The following PTPRS variants were observed in gnomAD, a reference collection of about 807,000 sequenced individuals.
PTPRS encodes the protein protein tyrosine phosphatase receptor type S.
Under a neutral mutation model 215.3 loss-of-function variants are expected in PTPRS, and 63 were observed. That is an observed-to-expected ratio of 0.29 (90% CI 0.24 to 0.36). PTPRS has a LOEUF of 0.36. PTPRS is among the 10% of genes least tolerant of loss of function. The pLI is 1.00. For missense variants in PTPRS, 2,258 were observed against 2,825.8 expected, an observed-to-expected ratio of 0.80 and a Z score of 4.56; for synonymous variants, 1,404 against 1,191.4, an observed-to-expected ratio of 1.18 and a Z score of -3.68.
At chr19:5,247,661 G>A (rs939816944) in intron 9 of PTPRS, among the ~76,000 whole-genome samples, 5 of 152,114 alleles carry the variant, frequency 3.3e-5, no homozygotes, top group East Asian at 1.9e-4. Flanking sequence ...ATTTTCATAC[G>A]GGATTGGGAG....
At chr19:5,301,123 G>A (rs1377223196) in intron 1 of PTPRS, among the ~76,000 whole-genome samples, 3 of 152,326 alleles carry the variant, frequency 2.0e-5, no homozygotes, top group Admixed American at 6.5e-5. Context: ...AGCCCCAAGG[G>A]CAGAAACTTG....
At chr19:5,278,505 T>C in intron 2 of PTPRS, among the ~76,000 whole-genome samples, 1 of 151,866 alleles carries the variant, frequency 6.6e-6, no homozygotes, top group Admixed American at 6.6e-5. Flanking sequence ...TGCGGCAGGG[T>C]CTCACTCCGT....
chr19:5,303,885 A>C (rs1307744509), intron 1 of PTPRS, among the ~76,000 whole-genome samples: 1 of 144,422 alleles, frequency 6.9e-6, no homozygotes, highest in Non-Finnish European at 1.5e-5. Context: ...CGGGATACGG[A>C]GGTTACTGTG....
chr19:5,329,402 C>A (rs537560109), intron 1 of PTPRS, among the ~76,000 whole-genome samples: 1 of 152,310 alleles, frequency 6.6e-6, no homozygotes, highest in East Asian at 1.9e-4. Flanking sequence ...CTGGCTACAT[C>A]GTAGCTAACA....
chr19:5,254,255 T>C (rs1211627480), intron 9 of PTPRS, among the ~76,000 whole-genome samples: 1 of 152,184 alleles, frequency 6.6e-6, no homozygotes, highest in Non-Finnish European at 1.5e-5. Flanking sequence ...TAAAGTCCTC[T>C]TGCCAACTTG....
intron 4 of PTPRS, among the ~76,000 whole-genome samples, chr19:5,271,410 T>C (rs1056439662): frequency 7.3e-5 from 11 of 151,542 alleles, no homozygotes; most frequent in East Asian, 5.8e-4. Context: ...TTTTTTTTTT[T>C]CCCTGAGACG....
At chr19:5,332,663 C>G (rs1471861547) in intron 1 of PTPRS, among the ~76,000 whole-genome samples, 1 of 152,196 alleles carries the variant, frequency 6.6e-6, no homozygotes, top group African/African-American at 2.4e-5. Flanking sequence ...GGTCCCTGTC[C>G]ATCCTCCTGC....
intron 1 of PTPRS, among the ~76,000 whole-genome samples, chr19:5,315,351 G>C (rs10403403): frequency 0.25 from 20,136 of 79,070 alleles, 6,505 homozygotes; most frequent in Admixed American, 0.4. Context: ...TTTGAAAAGG[G>C]TTTTTTTTTT....
In PTPRS at chr19:5,238,075, C is replaced by T. The variant is rs2043637312; in HGVS notation, c.1849+844G>A. Among the ~76,000 whole-genome samples the T allele has an allele frequency of 2.0e-5, 3 of 152,228 alleles. No homozygotes were observed. The South Asian group carries it at 6.2e-4, about 32-fold the overall frequency. ...GGTGAAGGGAGGGAAGAGGGGGAAG[C>T]AGGGGGAGGCCACGACAGAGAGACC... On this transcript the variant is annotated intron_variant, in intron 13 of 37. Transcript: ENST00000262963.
intron 12 of PTPRS, 85 bp downstream of exon 12, chr19:5,240,114 A>G: frequency 7.3e-7 from 1 of 1,375,470 alleles, no homozygotes; most frequent in East Asian, 2.9e-5. Context: ...ATAGGGACAA[A>G]GAGGGGGAAG....
At position 5,287,994 on chromosome 19, in the gene PTPRS, AC is replaced by A; in HGVS notation, c.-94-1761del. Reference sequence around the variant, plus strand: ...CACACACACACACACACACACACACACACACACACACACACAATCAGGCAAA... The same window carrying A: ...CACACACACACACACACACACACACAACACACACACACACAATCAGGCAAA... On this transcript the variant is annotated intron_variant, in intron 1 of 37. Transcript: ENST00000262963. This position sits in a 1 kb window ranked among gnomAD's most constrained non-coding sequence, Gnocchi z 4.8. Among the ~76,000 whole-genome samples, 1 of 151,556 alleles carries A rather than the reference AC, an allele frequency of 6.6e-6. No homozygotes were observed. The highest frequency in any genetic ancestry group is 1.5e-5 in the Non-Finnish European group (1 of 67,866).
chr19:5,227,413 ATTTT>A (rs55762769), intron 16 of PTPRS, among the ~76,000 whole-genome samples: 4 of 135,022 alleles, frequency 3.0e-5, no homozygotes, highest in Admixed American at 7.3e-5. Context: ...AGCTGTAACA[ATTTT>A]TTTTTTTTTT....
At position 5,295,069 on chromosome 19, in the gene PTPRS, T is replaced by G. The variant is rs185111800; in HGVS notation, c.-94-8835A>C. On this transcript the variant is annotated intron_variant, in intron 1 of 37. Coordinates refer to ENST00000262963, the MANE Select transcript of PTPRS (RefSeq NM_002850.4). This position sits in a 1 kb window ranked among gnomAD's most constrained non-coding sequence, Gnocchi z 4.6. ...ACACAGTGGGCCCTCAGGAGCAGAG[T>G]AGGCACCTTGCTTGTATCTGTGGCA... Among the ~76,000 whole-genome samples the G allele has an allele frequency of 2.2e-4, 33 of 152,058 alleles. No individual in the cohort carries two copies. Among genetic ancestry groups the G allele is most frequent in the Non-Finnish European group, 1.5e-5 (1 of 67,986 alleles).
intron 1 of PTPRS, among the ~76,000 whole-genome samples, chr19:5,323,148 G>C (rs990896025): frequency 3.9e-5 from 6 of 152,020 alleles, no homozygotes; most frequent in South Asian, 2.1e-4. Flanking sequence ...TTTGAGGTCA[G>C]GAGTTTGAGA....
intron 24 of PTPRS, 69 bp downstream of exon 24, chr19:5,218,718 A>G (rs1599424057): frequency 6.3e-7 from 1 of 1,578,600 alleles, no homozygotes; most frequent in Non-Finnish European, 8.7e-7. Context: ...TCCTGTGGGC[A>G]CACTATCAGC....
intron 4 of PTPRS, among the ~76,000 whole-genome samples, chr19:5,267,966 G>A (rs991875487): frequency 2.0e-5 from 3 of 151,728 alleles, no homozygotes; most frequent in African/African-American, 4.8e-5. Flanking sequence ...TCAGGAGATC[G>A]AGACCATCCT....
In PTPRS at chr19:5,260,808, G is replaced by T; in HGVS notation, c.592C>A (p.Arg198=). The T allele has an allele frequency of 6.2e-7, 1 of 1,613,734 alleles. No homozygotes were observed. Among genetic ancestry groups the T allele is most frequent in the African/African-American group, 1.3e-5 (1 of 75,060 alleles). The change falls in exon 7 of 38, where the codon CGA becomes AGA. Residue 198 remains arginine, a synonymous_variant. Coordinates refer to ENST00000262963, the MANE Select transcript of PTPRS (RefSeq NM_002850.4). Reference sequence around the variant, plus strand: ...GGGTGAGTGAGGAGCCTCTTACCTCGAATCGGAGTGCTTTCTGTAAGGGAA... The same window carrying T: ...GGGTGAGTGAGGAGCCTCTTACCTCTAATCGGAGTGCTTTCTGTAAGGGAA... The part of the protein sequence containing the change: ...RSETFESTPI[R]GALQIESSEE...
intron 35 of PTPRS, 96 bp from the exon 36 acceptor site, chr19:5,208,487 T>C: frequency 7.9e-7 from 1 of 1,259,824 alleles, no homozygotes; most frequent in Non-Finnish European, 1.1e-6. Context: ...TTTTGTTTGT[T>C]TGTTTGTTTT....
At chr19:5,253,181 G>A (rs1264297177) in intron 9 of PTPRS, among the ~76,000 whole-genome samples, 1 of 152,134 alleles carries the variant, frequency 6.6e-6, no homozygotes, top group Non-Finnish European at 1.5e-5. Context: ...ACAGCTGGGA[G>A]TGGAGCTGCC....
Sources: allele counts gnomAD v4.1 joint callset (sites outside exome capture counted in the v4.1 genomes callset), GRCh38; gene constraint gnomAD v4.1.1; non-coding constraint Gnocchi (gnomAD v3.1); transcripts MANE v1.5; gene names NCBI Gene and HGNC (gene_info 2026-07-23, HGNC 2026-07-21).